ICA1L: variants seen among roughly 807,000 people sequenced by gnomAD.
ICA1L encodes islet cell autoantigen 1-like protein.
In ICA1L, 50 loss-of-function variants were observed where a neutral mutation model predicts 61.3. That is an observed-to-expected ratio of 0.82 (90% confidence interval 0.65 to 1.03). The LOEUF (loss-of-function observed/expected upper bound fraction) is 1.03, where lower values mean the gene tolerates loss of function less well. ICA1L is among the 50% of genes least tolerant of loss of function. The pLI, the probability that ICA1L is intolerant of heterozygous loss-of-function variation, is 0.00. For synonymous variants in ICA1L, 161 were observed against 191.3 expected, an observed-to-expected ratio of 0.84 and a Z score of 1.31; for missense variants, 508 against 556.7, an observed-to-expected ratio of 0.91 and a Z score of 0.88.
At chr2:202,869,311 TC>T (rs1250788270) in intron 1 of ICA1L, among the ~76,000 whole-genome samples, 3 of 152,048 alleles carry the variant, frequency 2.0e-5, no homozygotes, top group Non-Finnish European at 2.9e-5. Context: ...TGAGCCGAGA[TC>T]CTGCCACTGC....
chr2:202,774,521 A>G lies in ICA1L; in HGVS notation c.*5012T>C. On this transcript the variant is annotated 3_prime_UTR_variant, in exon 13 of 13. Transcript: ENST00000358299. ...ATGGTCAGTGAGGTTTAGCCACAAGAGATATCACAGGAGAGACACAGGAAA... is the reference window on the plus strand; with the variant it reads ...ATGGTCAGTGAGGTTTAGCCACAAGGGATATCACAGGAGAGACACAGGAAA... 1 of 423,386 alleles carries G rather than the reference A, an allele frequency of 2.4e-6. No homozygotes were observed. Among genetic ancestry groups the G allele is most frequent in the South Asian group, 4.2e-5 (1 of 23,768 alleles). The allele number at this position is 423,386 out of a possible 1,614,324, so 26.2% of individuals were successfully genotyped here.
At chr2:202,836,154 G>C (rs1458709490) in intron 1 of ICA1L, among the ~76,000 whole-genome samples, 3 of 152,164 alleles carry the variant, frequency 2.0e-5, no homozygotes, top group African/African-American at 4.8e-5. Context: ...CTACGGGCTT[G>C]TCATACAAGG....
intron 1 of ICA1L, among the ~76,000 whole-genome samples, chr2:202,829,552 T>G (rs756862654): frequency 6.6e-6 from 1 of 152,134 alleles, no homozygotes; most frequent in Non-Finnish European, 1.5e-5. Flanking sequence ...AGCAATCTCC[T>G]GCCTCAGCCT....
intron 11 of ICA1L, 23 bp downstream of exon 11, chr2:202,788,807 C>G (rs746193429): frequency 6.2e-7 from 1 of 1,612,942 alleles, no homozygotes; most frequent in Admixed American, 1.7e-5. Flanking sequence ...GCACATATGT[C>G]CAAATGTTTC....
At chr2:202,857,541 A>G (rs1694799879) in intron 1 of ICA1L, among the ~76,000 whole-genome samples, 1 of 152,176 alleles carries the variant, frequency 6.6e-6, no homozygotes, top group Non-Finnish European at 1.5e-5. Flanking sequence ...AACCTAGGCA[A>G]TAACCTTCAG....
At chr2:202,851,691 A>C (rs1694625124) in intron 1 of ICA1L, among the ~76,000 whole-genome samples, 1 of 152,124 alleles carries the variant, frequency 6.6e-6, no homozygotes. Context: ...TGAGTTTTTA[A>C]TGATCGCCAT....
At position 202,778,941 on chromosome 2, in the gene ICA1L, A is replaced by C. The variant is rs912414216; in HGVS notation, c.*592T>G. On this transcript the variant is annotated 3_prime_UTR_variant, in exon 13 of 13. Transcript: ENST00000358299. ...AAAAAACATTACATTTTAGCCTCCAAATGAAGAAAAACAAGTACCAAGTTT... is the reference window on the plus strand; with the variant it reads ...AAAAAACATTACATTTTAGCCTCCACATGAAGAAAAACAAGTACCAAGTTT... 1 of 152,616 alleles carries C rather than the reference A, an allele frequency of 6.6e-6. No individual in the cohort carries two copies. The highest frequency in any genetic ancestry group is 6.5e-5 in the Admixed American group (1 of 15,276). The allele number at this position is 152,616 out of a possible 1,614,324, so 9.5% of individuals were successfully genotyped here.
At chr2:202,863,478 A>G (rs961803696) in intron 1 of ICA1L, among the ~76,000 whole-genome samples, 3 of 152,092 alleles carry the variant, frequency 2.0e-5, no homozygotes, top group Admixed American at 6.5e-5. Flanking sequence ...AAATTTAAAA[A>G]GCTTCTAGTA....
At position 202,773,661 on chromosome 2, in the gene ICA1L, T is replaced by C; in HGVS notation, c.*5872A>G. 1.3e-6 allele frequency: 1 copy of C among 761,602 alleles called. No individual in the cohort carries two copies. Among genetic ancestry groups the C allele is most frequent in the South Asian group, 1.8e-5 (1 of 56,484 alleles). The allele number at this position is 761,602 out of a possible 1,614,324, so 47.2% of individuals were successfully genotyped here. ...AACTAAATTCCATCCATTTGAGCTT[T>C]CAGAGATAGATGCCCAAGAGCTATC... On this transcript the variant is annotated 3_prime_UTR_variant, in exon 13 of 13. Transcript: ENST00000358299.
In ICA1L at chr2:202,836,830, G is replaced by A. The variant is rs1019583283; in HGVS notation, c.-7-7814C>T. Among the ~76,000 whole-genome samples, 5 of 136,774 alleles carry A rather than the reference G, an allele frequency of 3.7e-5. No homozygotes were observed. In the East Asian group the frequency reaches 9.8e-4, roughly 27 times the overall value. 89.7% of individuals were successfully genotyped at this position (136,774 alleles called of 152,430 possible). A position where few individuals can be genotyped will look rare whatever the true frequency, so the allele number is the denominator to read the frequency against. On this transcript the variant is annotated intron_variant, in intron 1 of 12. Transcript: ENST00000358299. ...AGATATATATAGATATATAGATATA[G>A]ATACAGATATATAGATATAGATATT...
chr2:202,807,836 G>T (rs771929082), intron 9 of ICA1L, among the ~76,000 whole-genome samples: 2 of 152,068 alleles, frequency 1.3e-5, no homozygotes, highest in Non-Finnish European at 2.9e-5. Context: ...CCAAGCCCTA[G>T]CTCCCAGATC....
At chr2:202,796,080 A>C (rs1428087216) in intron 10 of ICA1L, among the ~76,000 whole-genome samples, 2 of 151,928 alleles carry the variant, frequency 1.3e-5, no homozygotes, top group African/African-American at 4.8e-5. Context: ...TTTGGGGGAA[A>C]AAAAAAAGGT....
chr2:202,829,696 C>A (rs1008449161), intron 1 of ICA1L, among the ~76,000 whole-genome samples: 3 of 151,856 alleles, frequency 2.0e-5, no homozygotes, highest in Admixed American at 2.0e-4. Flanking sequence ...AAGAAACAGG[C>A]AAAAGATTAA....
In ICA1L at chr2:202,841,285, C is replaced by T. The variant is rs746408699; in HGVS notation, c.-7-12269G>A. The T allele has an allele frequency of 4.0e-6, 3 of 742,238 alleles. No homozygotes were observed. In the South Asian group the frequency reaches 4.1e-5, roughly 10 times the overall value. 46.0% of individuals were successfully genotyped at this position (742,238 alleles called of 1,614,324 possible). ...TCTTCCACCAGCCCTGGCATGTTGC[C>T]AAGCTCTGCCTCCAGCTTCAGCCTT... On this transcript the variant is annotated intron_variant, in intron 1 of 12. Coordinates refer to ENST00000358299, the MANE Select transcript of ICA1L (RefSeq NM_001288622.3).
chr2:202,865,340 A>G (rs1348907396), intron 1 of ICA1L, among the ~76,000 whole-genome samples: 1 of 136,788 alleles, frequency 7.3e-6, no homozygotes, highest in African/African-American at 2.8e-5. Context: ...GTGGTGGTGC[A>G]CTCCTGTAAT....
chr2:202,814,886 G>A (rs1252636945), intron 7 of ICA1L, 102 bp from the exon 8 acceptor site: 4 of 794,064 alleles, frequency 5.0e-6, no homozygotes, highest in Non-Finnish European at 6.2e-6. Context: ...TATGAAATAG[G>A]AAGTTCTGAA....
chr2:202,785,891 T>C (rs1692563355), intron 12 of ICA1L, 27 bp downstream of exon 12: 2 of 1,230,740 alleles, frequency 1.6e-6, no homozygotes, highest in South Asian at 1.3e-5. Flanking sequence ...AAAGCAATGA[T>C]AAAGAATATA....
At chr2:202,783,348 C>G (rs1692471814) in intron 12 of ICA1L, among the ~76,000 whole-genome samples, 1 of 152,172 alleles carries the variant, frequency 6.6e-6, no homozygotes, top group African/African-American at 2.4e-5. Context: ...AGAAACGTGA[C>G]AGATACCACC....
intron 1 of ICA1L, among the ~76,000 whole-genome samples, chr2:202,838,364 T>C (rs1694211878): frequency 2.0e-5 from 3 of 152,222 alleles, no homozygotes; most frequent in Admixed American, 2.0e-4. Flanking sequence ...TTCTGGAGAA[T>C]GTTCCATGTG....
Sources: gnomAD v4.1 joint callset for allele counts (sites outside exome capture counted in the v4.1 genomes callset) on GRCh38, gnomAD v4.1.1 for gene constraint, MANE v1.5 for transcripts, NCBI Gene and HGNC (gene_info 2026-07-23, HGNC 2026-07-21) for gene names.